The following PPARA variants were observed in gnomAD, a reference collection of about 807,000 sequenced individuals.
The protein encoded by PPARA is peroxisome proliferator activated receptor alpha.
Under a neutral mutation model 42.2 loss-of-function variants are expected in PPARA, and 22 were observed. The ratio of observed to expected loss-of-function variants is 0.52; its 90% CI spans 0.37 to 0.74. The LOEUF is 0.74. PPARA is among the 30% of genes least tolerant of loss of function. The probability of loss-of-function intolerance (pLI) is 0.00; values close to 1 mark genes in which losing one functional copy is unlikely to be tolerated. For synonymous variants in PPARA, 242 were observed against 239.3 expected (o/e 1.01, Z -0.10); for missense variants, 465 against 608.2 (o/e 0.76, Z 2.48).
intron 2 of PPARA, among the ~76,000 whole-genome samples, chr22:46,170,010 C>T (rs980076155): frequency 3.3e-5 from 5 of 152,030 alleles, no homozygotes; most frequent in Non-Finnish European, 5.9e-5. Context: ...ATGGGATGCA[C>T]TTCAGGAACT....
At chr22:46,194,001 G>A (rs917385508) in intron 3 of PPARA, among the ~76,000 whole-genome samples, 4 of 152,208 alleles carry the variant, frequency 2.6e-5, no homozygotes, top group African/African-American at 9.6e-5. Context: ...AAGGGGTGGG[G>A]ACTTCCCCGG....
rs1002715735 is a variant in PPARA, at chr22:46,200,856, A to C, written c.208+2265A>C. Among the ~76,000 whole-genome samples the C allele has an allele frequency of 1.7e-4, 26 of 152,064 alleles. No individual in the cohort carries two copies. On this transcript the variant is annotated intron_variant, in intron 4 of 8. Transcript: ENST00000407236. This position sits in a 1 kb window ranked among gnomAD's most constrained non-coding sequence, Gnocchi z 4.8. ...GGAGAATTGCTTGAACCCAGGAGGC[A>C]GAGGTTGCAGTGAGCAGAGATCATG... is the stretch of plus-strand genomic sequence containing the variant.
In PPARA at chr22:46,232,960, C is replaced by T. The variant is rs1417561438; in HGVS notation, c.1159+721C>T. Among the ~76,000 whole-genome samples, 8 of 131,826 alleles carry T rather than the reference C, an allele frequency of 6.1e-5. No homozygotes were observed. Among genetic ancestry groups the T allele is most frequent in the Middle Eastern group, 4.7e-3 (1 of 212 alleles). 86.5% of individuals were successfully genotyped at this position (131,826 alleles called of 152,430 possible). On this transcript the variant is annotated intron_variant, in intron 8 of 8. Coordinates refer to ENST00000407236, the MANE Select transcript of PPARA (RefSeq NM_005036.6). This position sits in a 1 kb window ranked among gnomAD's most constrained non-coding sequence, Gnocchi z 5.3. ...TCACGCCACCACACTCCAGCCTGGG[C>T]GACGAAGAATGACCCTGTCTCAAAA... is the stretch of plus-strand genomic sequence containing the variant.
At chr22:46,185,894 CCAAAAAAA>C (rs1243661580) in intron 3 of PPARA, among the ~76,000 whole-genome samples, 3 of 20,858 alleles carry the variant, frequency 1.4e-4, no homozygotes, top group African/African-American at 8.2e-4. Context: ...GACTCCGTCT[CCAAAAAAA>C]AAAAAAAAAA....
rs888416997 is a variant in PPARA, at chr22:46,190,295, A to G, written c.-42-8047A>G. On this transcript the variant is annotated intron_variant, in intron 3 of 8. Coordinates refer to ENST00000407236, the MANE Select transcript of PPARA (RefSeq NM_005036.6). This position sits in a 1 kb window ranked among gnomAD's most constrained non-coding sequence, Gnocchi z 5.6. ...AGTGTTCCATGAGGTTGGATCAGAC[A>G]TCATTTAGCAAAGAAAGATGTAAAT... Among the ~76,000 whole-genome samples, 1 of 152,240 alleles carries G rather than the reference A, an allele frequency of 6.6e-6. No homozygotes were observed.
chr22:46,170,112 G>GTT (rs201147764), intron 2 of PPARA, among the ~76,000 whole-genome samples: 26 of 142,888 alleles, frequency 1.8e-4, no homozygotes, highest in Non-Finnish European at 2.8e-4. Flanking sequence ...ATTCATCTTT[G>GTT]TTTTTTTTTT....
rs1175615743 is a variant in PPARA, at chr22:46,236,727, G to T, written c.*1347G>T. The T allele has an allele frequency of 6.6e-6, 1 of 152,618 alleles. No individual in the cohort carries two copies. Among genetic ancestry groups the T allele is most frequent in the East Asian group, 1.9e-4 (1 of 5,196 alleles). The allele number at this position is 152,618 out of a possible 1,614,324, so 9.5% of individuals were successfully genotyped here. On this transcript the variant is annotated 3_prime_UTR_variant, in exon 9 of 9. Transcript: ENST00000407236. This position sits in a 1 kb window ranked among gnomAD's most constrained non-coding sequence, Gnocchi z 5.2. Reference sequence around the variant, plus strand: ...TGTCTTCATAGCCTGGGCTGGGTGGGAGCCAGTCACCCTGCGGATCGAGAG... The same window carrying T: ...TGTCTTCATAGCCTGGGCTGGGTGGTAGCCAGTCACCCTGCGGATCGAGAG...
In PPARA at chr22:46,219,087, G is replaced by A. The variant is rs1035194260; in HGVS notation, c.508+686G>A. Among the ~76,000 whole-genome samples the A allele has an allele frequency of 7.3e-5, 11 of 151,470 alleles. No homozygotes were observed. Among genetic ancestry groups the A allele is most frequent in the South Asian group, 2.1e-4 (1 of 4,782 alleles). ...TGAGACAGGAGAATAGCTTGAACCCGGGAGGCGGAGGTTGCAGTGAGCTGA... is the reference window on the plus strand; with the variant it reads ...TGAGACAGGAGAATAGCTTGAACCCAGGAGGCGGAGGTTGCAGTGAGCTGA... On this transcript the variant is annotated intron_variant, in intron 6 of 8. Coordinates refer to ENST00000407236, the MANE Select transcript of PPARA (RefSeq NM_005036.6). This position sits in a 1 kb window ranked among gnomAD's most constrained non-coding sequence, Gnocchi z 4.8.
chr22:46,175,495 C>G (rs1485347334), intron 2 of PPARA, among the ~76,000 whole-genome samples: 1 of 151,590 alleles, frequency 6.6e-6, no homozygotes, highest in African/African-American at 2.4e-5. Context: ...AGGCGGATCA[C>G]GAGGTCAGGA....
chr22:46,198,099 G>A (rs548465391), intron 3 of PPARA, among the ~76,000 whole-genome samples: 3 of 149,382 alleles, frequency 2.0e-5, no homozygotes, highest in African/African-American at 7.4e-5. Flanking sequence ...TTAGCCAGGC[G>A]TGGTGGCAGG....
intron 3 of PPARA, among the ~76,000 whole-genome samples, chr22:46,186,702 G>A (rs111870695): frequency 0.04 from 6,091 of 152,058 alleles, 164 homozygotes; most frequent in African/African-American, 0.081. Flanking sequence ...GAGAGAGCGA[G>A]ACTCTGTCTC....
rs1339831915 is a variant in PPARA, at chr22:46,227,018, C to T, written c.712-4774C>T. 6.6e-6 allele frequency among the ~76,000 whole-genome samples: 1 copy of T among 151,946 alleles called. No individual in the cohort carries two copies. The highest frequency in any genetic ancestry group is 1.5e-5 in the Non-Finnish European group (1 of 68,024). ...GGGCATAAGGGTGACCTCCAGGGTG[C>T]CGTGTTATAACAGGACTGCTCCTTT... is the stretch of plus-strand genomic sequence containing the variant. On this transcript the variant is annotated intron_variant, in intron 7 of 8. Coordinates refer to ENST00000407236, the MANE Select transcript of PPARA (RefSeq NM_005036.6). This position sits in a 1 kb window ranked among gnomAD's most constrained non-coding sequence, Gnocchi z 4.3.
Position 46,212,982 on chromosome 22 carries a change from G to A in PPARA, c.209-2191G>A, listed in dbSNP as rs1035814704. Among the ~76,000 whole-genome samples the A allele has an allele frequency of 6.6e-6, 1 of 152,162 alleles. No individual in the cohort carries two copies. Among genetic ancestry groups the A allele is most frequent in the African/African-American group, 2.4e-5 (1 of 41,438 alleles). The stretch of plus-strand genomic sequence containing the variant: ...TCCACTCCAGCCTGGGTGACAGAGT[G>A]AGACTCTGTCCCAAAAAGAAAAAGA... On this transcript the variant is annotated intron_variant, in intron 4 of 8. Transcript: ENST00000407236. The surrounding 1 kb of genome is among the most constrained non-coding windows in gnomAD (Gnocchi z 4.2).
intron 2 of PPARA, among the ~76,000 whole-genome samples, 169 bp from the exon 3 acceptor site, chr22:46,176,584 G>T (rs1455337902): frequency 6.6e-6 from 1 of 152,124 alleles, no homozygotes; most frequent in African/African-American, 2.4e-5. Flanking sequence ...ATTTGTTGAG[G>T]TTTGTTTAAT....
chr22:46,175,099 G>A (rs967006093), intron 2 of PPARA, among the ~76,000 whole-genome samples: 2 of 151,880 alleles, frequency 1.3e-5, no homozygotes, highest in African/African-American at 2.4e-5. Flanking sequence ...AGTAGAGATG[G>A]GGTTTCACCT....
At position 46,162,490 on chromosome 22, in the gene PPARA, G is replaced by A. The variant is rs73460606; in HGVS notation, c.-127+10520G>A. ...TCAGCTTAAACTCACTCTTAGGGAAGGCTCCCTGAACCACCTGCTGGGGTT... is the reference window on the plus strand; with the variant it reads ...TCAGCTTAAACTCACTCTTAGGGAAAGCTCCCTGAACCACCTGCTGGGGTT... On this transcript the variant is annotated intron_variant, in intron 2 of 8. Coordinates refer to ENST00000407236, the MANE Select transcript of PPARA (RefSeq NM_005036.6). This position sits in a 1 kb window ranked among gnomAD's most constrained non-coding sequence, Gnocchi z 6.0. Among the ~76,000 whole-genome samples the A allele has an allele frequency of 0.016, 2,441 of 152,308 alleles. 67 individuals are homozygous for A. Among genetic ancestry groups the A allele is most frequent in the African/African-American group, 0.056 (2,329 of 41,544 alleles).
At position 46,221,668 on chromosome 22, in the gene PPARA, G is replaced by A. The variant is rs931438052; in HGVS notation, c.711+1654G>A. ...CAAAAAATTAGCCGGGCGTGGTGGCGGGCGCCTGTAGTCTCAGCTACTTGG... is the reference window on the plus strand; with the variant it reads ...CAAAAAATTAGCCGGGCGTGGTGGCAGGCGCCTGTAGTCTCAGCTACTTGG... On this transcript the variant is annotated intron_variant, in intron 7 of 8. Transcript: ENST00000407236. The surrounding 1 kb of genome is among the most constrained non-coding windows in gnomAD (Gnocchi z 5.9). Among the ~76,000 whole-genome samples, 3 of 152,088 alleles carry A rather than the reference G, an allele frequency of 2.0e-5. No individual in the cohort carries two copies. The highest frequency in any genetic ancestry group is 2.9e-5 in the Non-Finnish European group (2 of 68,024).
chr22:46,230,728 A>G lies in PPARA; in HGVS notation c.712-1064A>G, dbSNP rs768174568. ...ATATGGAGCACCGAGTGAAGGTTTCAGTTTCCTGCACTGAGAGAAACAAGG... is the reference window on the plus strand; with the variant it reads ...ATATGGAGCACCGAGTGAAGGTTTCGGTTTCCTGCACTGAGAGAAACAAGG... On this transcript the variant is annotated intron_variant, in intron 7 of 8. Transcript: ENST00000407236. The surrounding 1 kb of genome is among the most constrained non-coding windows in gnomAD (Gnocchi z 5.0). 5.9e-5 allele frequency among the ~76,000 whole-genome samples: 9 copies of G among 152,226 alleles called. No individual in the cohort carries two copies. Among genetic ancestry groups the G allele is most frequent in the Non-Finnish European group, 8.8e-5 (6 of 68,046 alleles).
At chr22:46,229,568 A>T (rs1184007750) in intron 7 of PPARA, among the ~76,000 whole-genome samples, 1 of 152,168 alleles carries the variant, frequency 6.6e-6, no homozygotes, top group Non-Finnish European at 1.5e-5. Flanking sequence ...CAAAAAAAAA[A>T]AAAAATTATC....
Sources: allele counts gnomAD v4.1 joint callset (sites outside exome capture counted in the v4.1 genomes callset), GRCh38; gene constraint gnomAD v4.1.1; non-coding constraint Gnocchi (gnomAD v3.1); transcripts MANE v1.5; gene names NCBI Gene and HGNC (gene_info 2026-07-23, HGNC 2026-07-21).